Variants in ERC1 observed in about 807,000 individuals in gnomAD.
ERC1 encodes ELKS/RAB6-interacting/CAST family member 1.
A neutral mutation model predicts 132.0 loss-of-function variants in ERC1; 56 were observed. That is an observed-to-expected ratio of 0.42 (90% CI 0.34 to 0.53). ERC1 has a LOEUF of 0.53. Ranked by LOEUF, ERC1 falls within the 20% of genes least tolerant of loss-of-function variation. The pLI, the probability that ERC1 is intolerant of heterozygous loss-of-function variation, is 0.03. For missense variants in ERC1, 1,202 were observed against 1,349.9 expected, an observed-to-expected ratio of 0.89 and a Z score of 1.72; for synonymous variants, 478 against 476.1, an observed-to-expected ratio of 1.00 and a Z score of -0.05.
At chr12:1,276,331 G>C (rs1352318545) in intron 14 of ERC1, among the ~76,000 whole-genome samples, 1 of 151,514 alleles carries the variant, frequency 6.6e-6, no homozygotes, top group Non-Finnish European at 1.5e-5. Flanking sequence ...CCGCCTCCCA[G>C]GTTCAAGCAA....
intron 12 of ERC1, among the ~76,000 whole-genome samples, chr12:1,234,670 G>A (rs538570217): frequency 1.3e-5 from 2 of 152,254 alleles, no homozygotes; most frequent in South Asian, 4.1e-4. Context: ...AAAAAGGTAG[G>A]GAGCCTTGCC....
chr12:1,283,158 C>G (rs2078800773), intron 14 of ERC1, among the ~76,000 whole-genome samples: 2 of 152,126 alleles, frequency 1.3e-5, no homozygotes, highest in Non-Finnish European at 2.9e-5. Flanking sequence ...GTGATTTAAG[C>G]AAACCATCTG....
intron 15 of ERC1, among the ~76,000 whole-genome samples, chr12:1,355,449 T>C (rs2085431734): frequency 6.6e-6 from 1 of 152,208 alleles, no homozygotes; most frequent in South Asian, 2.1e-4. Context: ...ATTAAAGATA[T>C]GCAACCTACA....
intron 2 of ERC1, among the ~76,000 whole-genome samples, chr12:1,033,194 G>A (rs770147834): frequency 7.9e-5 from 12 of 151,904 alleles, no homozygotes; most frequent in South Asian, 2.1e-4. Flanking sequence ...CTGCCACCAC[G>A]CCCAGCTAAT....
At chr12:1,262,844 T>C (rs2286033) in intron 13 of ERC1, among the ~76,000 whole-genome samples, 190 bp from the exon 14 acceptor site, 35,104 of 152,052 alleles carry the variant, frequency 0.23, 4,523 homozygotes, top group Middle Eastern at 0.34. Flanking sequence ...CTGTTAATGA[T>C]ATACTTCTTC....
chr12:1,393,684 C>T (rs1473543618), intron 16 of ERC1, among the ~76,000 whole-genome samples: 9 of 142,232 alleles, frequency 6.3e-5, no homozygotes, highest in African/African-American at 2.3e-4. Flanking sequence ...ACTTTCTCTG[C>T]TTGCTTAGCT....
At chr12:1,258,210 G>C (rs1227582916) in intron 13 of ERC1, among the ~76,000 whole-genome samples, 3 of 152,134 alleles carry the variant, frequency 2.0e-5, no homozygotes, top group Non-Finnish European at 4.4e-5. Flanking sequence ...ATTTCCAGAT[G>C]CTTCAGATCC....
chr12:1,376,099 G>A lies in ERC1; in HGVS notation c.2925+4122G>A, dbSNP rs558677933. Among the ~76,000 whole-genome samples the A allele has an allele frequency of 7.8e-4, 119 of 152,212 alleles. 1 individual carries two copies. Among genetic ancestry groups the A allele is most frequent in the African/African-American group, 2.7e-3 (114 of 41,526 alleles). On this transcript the variant is annotated intron_variant, in intron 16 of 18. Coordinates refer to ENST00000360905, the MANE Select transcript of ERC1 (RefSeq NM_178040.4). Reference sequence around the variant, plus strand: ...AATGTGCAGACTCACGCAGTGTTCAGAATTACACAACCAGCACATGGCGTT... The same window carrying A: ...AATGTGCAGACTCACGCAGTGTTCAAAATTACACAACCAGCACATGGCGTT...
chr12:1,453,929 CT>C (rs1241915358), intron 18 of ERC1, among the ~76,000 whole-genome samples: 2 of 152,012 alleles, frequency 1.3e-5, no homozygotes, highest in Non-Finnish European at 2.9e-5. Flanking sequence ...TTGGAATCCC[CT>C]GAGTGATGCG....
intron 12 of ERC1, among the ~76,000 whole-genome samples, chr12:1,215,172 T>G (rs1366582082): frequency 6.6e-6 from 1 of 152,216 alleles, no homozygotes; most frequent in African/African-American, 2.4e-5. Flanking sequence ...GGATATCATC[T>G]CATTGTCTTC....
At chr12:1,332,560 G>A (rs1400721716) in intron 15 of ERC1, among the ~76,000 whole-genome samples, 1 of 152,208 alleles carries the variant, frequency 6.6e-6, no homozygotes. Context: ...TCTGCTCTGG[G>A]TGATACAGCT....
intron 2 of ERC1, among the ~76,000 whole-genome samples, chr12:1,065,290 C>T (rs527304313): frequency 2.7e-4 from 41 of 152,234 alleles, no homozygotes; most frequent in South Asian, 6.2e-4. Flanking sequence ...TGTGAGCCAC[C>T]GCGCCCAGCC....
intron 12 of ERC1, among the ~76,000 whole-genome samples, chr12:1,196,119 G>A (rs536225368): frequency 5.3e-5 from 8 of 152,126 alleles, no homozygotes; most frequent in Admixed American, 3.9e-4. Flanking sequence ...TTAAAATAAG[G>A]TGGTAATTTG....
At chr12:1,137,721 C>T (rs1949396595) in intron 7 of ERC1, among the ~76,000 whole-genome samples, 1 of 151,430 alleles carries the variant, frequency 6.6e-6, no homozygotes, top group Non-Finnish European at 1.5e-5. Context: ...GGCATGGTGG[C>T]ATGCACCTGT....
At chr12:1,000,957 C>G (rs111671329) in intron 1 of ERC1, among the ~76,000 whole-genome samples, 4,326 of 152,206 alleles carry the variant, frequency 0.028, 84 homozygotes, top group South Asian at 0.091. Context: ...TTTGCCCAGA[C>G]TGGAGTGCAG....
chr12:1,344,695 G>A (rs1166516741), intron 15 of ERC1, among the ~76,000 whole-genome samples: 3 of 152,122 alleles, frequency 2.0e-5, no homozygotes, highest in Non-Finnish European at 4.4e-5. Context: ...ACTAACATTT[G>A]TTAAGGGCCT....
intron 15 of ERC1, among the ~76,000 whole-genome samples, chr12:1,297,523 G>A (rs1407089343): frequency 5.9e-5 from 7 of 118,892 alleles, no homozygotes; most frequent in East Asian, 2.4e-4. Context: ...ACAACATGAC[G>A]AAACCCTGTT....
At chr12:1,216,600 G>A (rs1434893122) in intron 12 of ERC1, among the ~76,000 whole-genome samples, 1 of 141,580 alleles carries the variant, frequency 7.1e-6, no homozygotes, top group Non-Finnish European at 1.5e-5. Context: ...CCTTGGTGGG[G>A]TCGGGGAGGA....
At chr12:1,242,617 T>G (rs2075882298) in intron 13 of ERC1, among the ~76,000 whole-genome samples, 1 of 152,134 alleles carries the variant, frequency 6.6e-6, no homozygotes, top group Non-Finnish European at 1.5e-5. Context: ...CTTACAGAGC[T>G]CCTGTCTCTA....
Sources: gnomAD v4.1 joint callset for allele counts (sites outside exome capture counted in the v4.1 genomes callset) on GRCh38, gnomAD v4.1.1 for gene constraint, MANE v1.5 for transcripts, NCBI Gene and HGNC (gene_info 2026-07-23, HGNC 2026-07-21) for gene names.